The following DOCK2 variants were observed in gnomAD, a reference collection of about 807,000 sequenced individuals.
DOCK2 encodes the protein dedicator of cytokinesis 2.
In DOCK2, 87 loss-of-function variants were observed where a neutral mutation model predicts 248.9. The observed-to-expected ratio is 0.35, with a 90% CI of 0.29 to 0.42. The LOEUF (loss-of-function observed/expected upper bound fraction) is 0.42, where lower values mean the gene tolerates loss of function less well. Ranked by LOEUF, DOCK2 falls within the 10% of genes least tolerant of loss-of-function variation. The pLI, the probability that DOCK2 is intolerant of heterozygous loss-of-function variation, is 1.00. For missense variants in DOCK2, 1,747 were observed against 2,300.2 expected (o/e 0.76, Z 4.92); for synonymous variants, 805 against 821.6 (o/e 0.98, Z 0.35).
chr5:169,670,991 C>T, intron 4 of DOCK2, 87 bp from the exon 5 acceptor site: 1 of 1,125,520 alleles, frequency 8.9e-7, no homozygotes, highest in Non-Finnish European at 1.3e-6. Flanking sequence ...CCCTCCGCAG[C>T]TGCAGCTTAA....
intron 44 of DOCK2, among the ~76,000 whole-genome samples, chr5:170,065,552 A>G (rs1337092414): frequency 6.6e-6 from 1 of 152,258 alleles, no homozygotes; most frequent in Non-Finnish European, 1.5e-5. Flanking sequence ...TAGGCAACTT[A>G]CAAAAGAAAG....
intron 25 of DOCK2, among the ~76,000 whole-genome samples, chr5:169,785,982 G>A (rs1362355655): frequency 6.6e-6 from 1 of 152,122 alleles, no homozygotes; most frequent in Non-Finnish European, 1.5e-5. Context: ...CAAAGTGACT[G>A]GTGGAACTGC....
intron 29 of DOCK2, among the ~76,000 whole-genome samples, chr5:169,994,558 G>A (rs1238637712): frequency 3.3e-5 from 5 of 152,182 alleles, no homozygotes; most frequent in Non-Finnish European, 1.5e-5. Context: ...CTTAAGGCTG[G>A]TGGGATGGTG....
chr5:169,941,584 A>C (rs1347204289), intron 27 of DOCK2, among the ~76,000 whole-genome samples: 1 of 152,220 alleles, frequency 6.6e-6, no homozygotes, highest in Non-Finnish European at 1.5e-5. Context: ...AAGAAGAACC[A>C]AATCTGGCAG....
chr5:170,041,718 T>C (rs921058536), intron 37 of DOCK2, among the ~76,000 whole-genome samples: 1 of 152,230 alleles, frequency 6.6e-6, no homozygotes, highest in Non-Finnish European at 1.5e-5. Context: ...TTCATCTGAC[T>C]CCTGATCACT....
At chr5:169,741,319 AT>A (rs1482643437) in intron 22 of DOCK2, among the ~76,000 whole-genome samples, 2 of 149,516 alleles carry the variant, frequency 1.3e-5, no homozygotes, top group Admixed American at 6.6e-5. Context: ...ATTGACTTAA[AT>A]GTGCCTGCCT....
chr5:169,888,405 A>G (rs959611195), intron 27 of DOCK2, among the ~76,000 whole-genome samples: 16 of 152,128 alleles, frequency 1.1e-4, no homozygotes, highest in African/African-American at 3.1e-4. Context: ...TCTTTGCAAC[A>G]CTTTATTCTG....
At chr5:169,924,593 A>G (rs1352198967) in intron 27 of DOCK2, among the ~76,000 whole-genome samples, 6 of 152,176 alleles carry the variant, frequency 3.9e-5, no homozygotes, top group African/African-American at 1.2e-4. Flanking sequence ...CTTCAGAGCT[A>G]TTCAATCATG....
intron 26 of DOCK2, among the ~76,000 whole-genome samples, chr5:169,815,584 T>C (rs1405602039): frequency 6.6e-6 from 1 of 152,222 alleles, no homozygotes; most frequent in Non-Finnish European, 1.5e-5. Flanking sequence ...AATAATACTT[T>C]CACATGACAT....
At chr5:169,802,802 A>G (rs888250906) in intron 25 of DOCK2, among the ~76,000 whole-genome samples, 2 of 152,186 alleles carry the variant, frequency 1.3e-5, no homozygotes, top group Non-Finnish European at 2.9e-5. Context: ...GTATGTGTAT[A>G]TATAAAATAT....
intron 25 of DOCK2, among the ~76,000 whole-genome samples, chr5:169,802,324 A>G (rs1456509381): frequency 6.6e-6 from 1 of 152,140 alleles, no homozygotes; most frequent in African/African-American, 2.4e-5. Context: ...ACCATGCCCA[A>G]CTAATTTTAG....
At chr5:169,995,452 A>C (rs1366755454) in intron 29 of DOCK2, among the ~76,000 whole-genome samples, 7 of 152,234 alleles carry the variant, frequency 4.6e-5, no homozygotes, top group Admixed American at 2.6e-4. Context: ...TGAGAAAAAA[A>C]CCCAAAAAGA....
At chr5:169,647,900 A>G (rs1757560516) in intron 1 of DOCK2, among the ~76,000 whole-genome samples, 2 of 152,214 alleles carry the variant, frequency 1.3e-5, no homozygotes, top group African/African-American at 2.4e-5. Flanking sequence ...TAGATTTCAC[A>G]GAAGCTCAGG....
At chr5:169,677,738 T>C (rs1201784716) in intron 6 of DOCK2, among the ~76,000 whole-genome samples, 3 of 152,230 alleles carry the variant, frequency 2.0e-5, no homozygotes, top group Non-Finnish European at 4.4e-5. Context: ...TGCTGCTCGC[T>C]GCTTGCAAAG....
rs377512851 is a variant in DOCK2 at position 169,983,790 on chromosome 5, A to T, written c.2898+624A>T. ...AGTCCCACTGCTTAAGGTCACTCTCAACTCTCCCTGGAGAGACCAGGAGCA... is the reference window on the plus strand; with the variant it reads ...AGTCCCACTGCTTAAGGTCACTCTCTACTCTCCCTGGAGAGACCAGGAGCA... On this transcript the variant is annotated intron_variant, in intron 28 of 51. Transcript: ENST00000520908. Among the ~76,000 whole-genome samples the T allele has an allele frequency of 9.2e-5, 14 of 152,244 alleles. No homozygotes were observed. In the East Asian group the frequency reaches 2.7e-3, roughly 29 times the overall value.
intron 25 of DOCK2, among the ~76,000 whole-genome samples, chr5:169,798,735 A>G (rs1485367280): frequency 6.6e-6 from 1 of 152,224 alleles, no homozygotes; most frequent in African/African-American, 2.4e-5. Flanking sequence ...CCACCCTAGA[A>G]TAGTGACTGG....
chr5:170,000,712 G>A (rs1754801317), intron 30 of DOCK2, among the ~76,000 whole-genome samples: 1 of 152,210 alleles, frequency 6.6e-6, no homozygotes, highest in Admixed American at 6.5e-5. Flanking sequence ...CTTTGGTATT[G>A]AGATCATTCT....
chr5:169,674,545 G>A, intron 6 of DOCK2, 100 bp downstream of exon 6: 1 of 1,528,936 alleles, frequency 6.5e-7, no homozygotes, highest in Non-Finnish European at 8.8e-7. Context: ...ATGCAATTTT[G>A]TCACTTTCTG....
intron 6 of DOCK2, 106 bp from the exon 7 acceptor site, chr5:169,681,638 A>G: frequency 3.0e-6 from 4 of 1,354,396 alleles, no homozygotes; most frequent in South Asian, 1.6e-5. Context: ...CTTCTATGTG[A>G]CTATATGACC....
Sources: allele counts gnomAD v4.1 joint callset (sites outside exome capture counted in the v4.1 genomes callset), GRCh38; gene constraint gnomAD v4.1.1; transcripts MANE v1.5; gene names NCBI Gene and HGNC (gene_info 2026-07-23, HGNC 2026-07-21).